R3HDM2: variants seen among roughly 807,000 people sequenced by gnomAD.
The protein encoded by R3HDM2 is R3H domain containing 2.
R3HDM2 carries 38 observed loss-of-function variants against 124.5 expected under a neutral mutation model. The ratio of observed to expected loss-of-function variants is 0.31; its 90% confidence interval spans 0.24 to 0.40. The LOEUF is 0.40. Among genes scored for constraint, R3HDM2 ranks in the 10% least tolerant of loss-of-function variants. The probability of loss-of-function intolerance (pLI) is 1.00; values close to 1 mark genes in which losing one functional copy is unlikely to be tolerated. For synonymous variants in R3HDM2, 391 were observed against 448.0 expected, an observed-to-expected ratio of 0.87 and a Z score of 1.61; for missense variants, 869 against 1,236.9, an observed-to-expected ratio of 0.70 and a Z score of 4.46.
intron 2 of R3HDM2, among the ~76,000 whole-genome samples, chr12:57,389,859 T>C (rs1221908918): frequency 5.9e-5 from 9 of 152,204 alleles, no homozygotes; most frequent in Admixed American, 5.9e-4. Context: ...CACTAAAATA[T>C]TTTCACACCA....
intron 9 of R3HDM2, 30 bp from the exon 10 acceptor site, chr12:57,295,537 A>T: frequency 6.7e-7 from 1 of 1,486,168 alleles, no homozygotes; most frequent in African/African-American, 1.4e-5. Context: ...GTGAAAGGAA[A>T]GGAGGACAAA....
At chr12:57,267,277 T>C (rs2042658727) in intron 18 of R3HDM2, among the ~76,000 whole-genome samples, 2 of 150,730 alleles carry the variant, frequency 1.3e-5, no homozygotes, top group African/African-American at 2.4e-5. Context: ...AAAAAGTCAG[T>C]TGGGTGCAGT....
chr12:57,361,258 C>A (rs1269272768), intron 2 of R3HDM2, among the ~76,000 whole-genome samples: 2 of 151,276 alleles, frequency 1.3e-5, no homozygotes, highest in Admixed American at 1.3e-4. Context: ...GCCTGTAATC[C>A]CAGCTACTTG....
At chr12:57,322,834 A>C (rs1002313931) in intron 2 of R3HDM2, among the ~76,000 whole-genome samples, 2 of 152,162 alleles carry the variant, frequency 1.3e-5, no homozygotes, top group East Asian at 1.9e-4. Flanking sequence ...CTGCTCATTC[A>C]GAAGCATTCT....
At chr12:57,343,169 A>G (rs1480919203) in intron 2 of R3HDM2, among the ~76,000 whole-genome samples, 2 of 151,258 alleles carry the variant, frequency 1.3e-5, no homozygotes, top group African/African-American at 2.4e-5. Flanking sequence ...AAGCTTAGAT[A>G]TGACCCTCGG....
intron 1 of R3HDM2, among the ~76,000 whole-genome samples, chr12:57,412,523 C>A (rs1009342616): frequency 4.6e-5 from 7 of 152,036 alleles, no homozygotes; most frequent in African/African-American, 1.7e-4. Context: ...GCCTGGGCAA[C>A]AGAGTGAGAT....
Position 57,254,183 on chromosome 12 carries a change from G to A in R3HDM2, c.*590C>T, listed in dbSNP as rs114328979. 451 of 456,182 alleles carry A rather than the reference G, an allele frequency of 9.9e-4. 4 individuals are homozygous for A. Among genetic ancestry groups the A allele is most frequent in the African/African-American group, 6.6e-3 (331 of 50,106 alleles). 28.3% of individuals were successfully genotyped at this position (456,182 alleles called of 1,614,324 possible). ...AAATGAGAAATTAATTTTATGATAG[G>A]AGAAGAGATTTAAAAAAATGATAGA... On this transcript the variant is annotated 3_prime_UTR_variant, in exon 24 of 24. Coordinates refer to ENST00000402412, the MANE Select transcript of R3HDM2 (RefSeq NM_001394031.1).
At chr12:57,328,961 G>C (rs998377124) in intron 2 of R3HDM2, among the ~76,000 whole-genome samples, 1 of 152,048 alleles carries the variant, frequency 6.6e-6, no homozygotes, top group South Asian at 2.1e-4. Context: ...GTGTCTCCAA[G>C]GTATGCCTGT....
chr12:57,357,114 GAATAAATA>G (rs60165527), intron 2 of R3HDM2, among the ~76,000 whole-genome samples: 1,799 of 146,726 alleles, frequency 0.012, 32 homozygotes, highest in African/African-American at 0.041. Flanking sequence ...AAAAATAAAT[GAATAAATA>G]AATAAATAAA....
chr12:57,271,817 T>A (rs1466462160), intron 14 of R3HDM2, among the ~76,000 whole-genome samples: 2 of 152,134 alleles, frequency 1.3e-5, no homozygotes, highest in Non-Finnish European at 2.9e-5. Flanking sequence ...TGAGGATTTT[T>A]AAAATATAAA....
chr12:57,401,921 T>C (rs558960310), intron 1 of R3HDM2, among the ~76,000 whole-genome samples: 11 of 150,754 alleles, frequency 7.3e-5, no homozygotes, highest in African/African-American at 2.4e-4. Flanking sequence ...GAGGTGGAGG[T>C]TGCAGTGAGC....
rs534112583 is a variant in R3HDM2 at position 57,323,417 on chromosome 12, C to T, written c.-35-12954G>A. 6.5e-4 allele frequency among the ~76,000 whole-genome samples: 99 copies of T among 152,272 alleles called. 1 individual carries two copies. Among genetic ancestry groups the T allele is most frequent in the African/African-American group, 2.3e-3 (97 of 41,548 alleles). On this transcript the variant is annotated intron_variant, in intron 2 of 23. Coordinates refer to ENST00000402412, the MANE Select transcript of R3HDM2 (RefSeq NM_001394031.1). ...AAAGCTATAGGTATATGACAGTCAC[C>T]AAGCCCTTTAAGGACTGTAGAAACT...
chr12:57,412,113 C>T (rs192683572), intron 1 of R3HDM2, among the ~76,000 whole-genome samples: 66 of 152,306 alleles, frequency 4.3e-4, no homozygotes, highest in African/African-American at 1.6e-3. Context: ...TTATAAATTA[C>T]CCAGTCTCCA....
intron 2 of R3HDM2, among the ~76,000 whole-genome samples, chr12:57,321,997 A>G (rs1401685664): frequency 6.6e-6 from 1 of 152,186 alleles, no homozygotes; most frequent in South Asian, 2.1e-4. Flanking sequence ...TGGGAGGCCA[A>G]GGTGGGCGGA....
rs1430561787 is a variant in R3HDM2, at chr12:57,348,705, AAAAAAAAAAAAAAAAAGAG to A, written c.-35-38261_-35-38243del. ...CGAGACTCCGTCTCAAAAAAAAAAA[AAAAAAAAAAAAAAAAAGAG>A]AGAGAAAAATTAGCCAGGCATGGTG... is the stretch of plus-strand genomic sequence containing the variant. On this transcript the variant is annotated intron_variant, in intron 2 of 23. Transcript: ENST00000402412. 2.8e-3 allele frequency among the ~76,000 whole-genome samples: 128 copies of A among 45,242 alleles called. 3 individuals are homozygous for A. In the Middle Eastern group the frequency reaches 0.071, roughly 25 times the overall value. The allele number at this position is 45,242 out of a possible 152,430, so 29.7% of individuals were successfully genotyped here.
Position 57,297,403 on chromosome 12 carries a change from T to TAAAAC in R3HDM2, c.501-21_501-17dup, listed in dbSNP as rs541505372. The TAAAAC allele has an allele frequency of 9.7e-4, 1,448 of 1,490,586 alleles. 10 individuals carry two copies. In the African/African-American group the frequency reaches 0.016, roughly 16 times the overall value. 92.3% of individuals were successfully genotyped at this position (1,490,586 alleles called of 1,614,324 possible). On this transcript the variant is annotated splice_polypyrimidine_tract_variant and intron_variant, in intron 7 of 23. Transcript: ENST00000402412. ...CATTCTGTCCCTGTTTAAAAAAGAT[T>TAAAAC]AAAACAAAACAAAACAAAACAAAAA...
chr12:57,323,139 G>A (rs888089921), intron 2 of R3HDM2, among the ~76,000 whole-genome samples: 1 of 152,154 alleles, frequency 6.6e-6, no homozygotes, highest in Non-Finnish European at 1.5e-5. Flanking sequence ...CAGGCAAGGA[G>A]CTAGAATTCA....
chr12:57,397,140 T>A (rs1335468283), intron 1 of R3HDM2, among the ~76,000 whole-genome samples: 8 of 151,954 alleles, frequency 5.3e-5, no homozygotes. Flanking sequence ...AAAACTAGGA[T>A]CTCTCTTAAT....
At chr12:57,345,174 T>C (rs188555118) in intron 2 of R3HDM2, among the ~76,000 whole-genome samples, 2 of 151,938 alleles carry the variant, frequency 1.3e-5, no homozygotes, top group African/African-American at 4.8e-5. Flanking sequence ...AACCAGATCA[T>C]CAAGGACCTG....
Sources: gnomAD v4.1 joint callset for allele counts (sites outside exome capture counted in the v4.1 genomes callset) on GRCh38, gnomAD v4.1.1 for gene constraint, MANE v1.5 for transcripts, NCBI Gene and HGNC (gene_info 2026-07-23, HGNC 2026-07-21) for gene names.